The following CPED1 variants were observed in gnomAD, a reference collection of about 807,000 sequenced individuals.
CPED1 encodes the protein cadherin-like and PC-esterase domain-containing protein 1.
In CPED1, 114 loss-of-function variants were observed where a neutral mutation model predicts 128.2. The ratio of observed to expected loss-of-function variants is 0.89; its 90% CI spans 0.76 to 1.04. The LOEUF is 1.04. CPED1 is among the 50% of genes least tolerant of loss of function. The probability of loss-of-function intolerance (pLI) is 0.00; values close to 1 mark genes in which losing one functional copy is unlikely to be tolerated. For missense variants in CPED1, 1,211 were observed against 1,207.1 expected (o/e 1.00, Z -0.05); for synonymous variants, 462 against 426.7 (o/e 1.08, Z -1.02).
chr7:121,253,434 C>CA (rs1165439225), intron 18 of CPED1, among the ~76,000 whole-genome samples: 5 of 151,676 alleles, frequency 3.3e-5, no homozygotes, highest in Admixed American at 3.3e-4. Context: ...GCATGGTGTG[C>CA]ACATGTACCC....
At chr7:121,275,161 A>G (rs1347735620) in intron 22 of CPED1, among the ~76,000 whole-genome samples, 1 of 152,132 alleles carries the variant, frequency 6.6e-6, no homozygotes, top group Non-Finnish European at 1.5e-5. Context: ...TTAGAATTCT[A>G]TCATAGACAT....
chr7:121,016,340 T>C (rs1792300407), intron 3 of CPED1, among the ~76,000 whole-genome samples: 1 of 152,152 alleles, frequency 6.6e-6, no homozygotes, highest in South Asian at 2.1e-4. Flanking sequence ...GAGAGAATAA[T>C]AAAAGACAAG....
intron 16 of CPED1, among the ~76,000 whole-genome samples, chr7:121,201,444 GAGAA>G (rs1797394467): frequency 8.5e-6 from 1 of 118,276 alleles, no homozygotes; most frequent in Non-Finnish European, 1.8e-5. Flanking sequence ...AAGAAAGAAA[GAGAA>G]AGAGAGAAAG....
Position 121,034,732 on chromosome 7 carries a change from C to G in CPED1, c.434-12155C>G, listed in dbSNP as rs538346814. On this transcript the variant is annotated intron_variant, in intron 3 of 22. Coordinates refer to ENST00000310396, the MANE Select transcript of CPED1 (RefSeq NM_024913.5). ...GAACTTACTTGTATATACCAATCATCTAGGGAGCTTATTGGCAAATTCTGA... is the reference window on the plus strand; with the variant it reads ...GAACTTACTTGTATATACCAATCATGTAGGGAGCTTATTGGCAAATTCTGA... Among the ~76,000 whole-genome samples the G allele has an allele frequency of 8.4e-4, 128 of 152,180 alleles. 1 individual carries two copies. Among genetic ancestry groups the G allele is most frequent in the Non-Finnish European group, 1.6e-3 (112 of 67,976 alleles).
At chr7:121,136,820 T>C (rs961572604) in intron 14 of CPED1, among the ~76,000 whole-genome samples, 2 of 152,038 alleles carry the variant, frequency 1.3e-5, no homozygotes, top group African/African-American at 4.8e-5. Flanking sequence ...GGGGGATCAC[T>C]TGAGTCCAGG....
chr7:121,060,575 T>C (rs1793634154), intron 4 of CPED1, among the ~76,000 whole-genome samples: 1 of 152,218 alleles, frequency 6.6e-6, no homozygotes, highest in South Asian at 2.1e-4. Context: ...TGGAGGGGCC[T>C]TGGAGAACCT....
chr7:120,996,593 T>C (rs1442359735), intron 2 of CPED1, among the ~76,000 whole-genome samples: 1 of 152,164 alleles, frequency 6.6e-6, no homozygotes, highest in African/African-American at 2.4e-5. Flanking sequence ...TAACTTCTAA[T>C]TTCTCTCTGG....
chr7:121,134,275 G>T (rs1795738768), intron 13 of CPED1, among the ~76,000 whole-genome samples: 1 of 152,028 alleles, frequency 6.6e-6, no homozygotes, highest in Non-Finnish European at 1.5e-5. Context: ...CCTGTTGTTT[G>T]TTATTTGTGA....
At chr7:121,034,696 A>T (rs1309349472) in intron 3 of CPED1, among the ~76,000 whole-genome samples, 1 of 152,200 alleles carries the variant, frequency 6.6e-6, no homozygotes, top group African/African-American at 2.4e-5. Flanking sequence ...AATTGGGCAG[A>T]GGTGTTTCTC....
At chr7:121,044,430 A>T (rs1190589515) in intron 3 of CPED1, among the ~76,000 whole-genome samples, 1 of 152,128 alleles carries the variant, frequency 6.6e-6, no homozygotes, top group Non-Finnish European at 1.5e-5. Context: ...TTGAAATTTC[A>T]GTTACACTTT....
In CPED1 at chr7:121,206,741, C is replaced by T. The variant is rs145609223; in HGVS notation, c.2056-29973C>T. Among the ~76,000 whole-genome samples, 192 of 151,596 alleles carry T rather than the reference C, an allele frequency of 1.3e-3. 2 individuals carry two copies. The highest frequency in any genetic ancestry group is 4.3e-3 in the African/African-American group (177 of 41,358). The stretch of plus-strand genomic sequence containing the variant: ...CTAATTTGTTTTTAATGTTTTTTAA[C>T]GGCTGAAAAAATATTGAGAATCCCT... On this transcript the variant is annotated intron_variant, in intron 16 of 22. Coordinates refer to ENST00000310396, the MANE Select transcript of CPED1 (RefSeq NM_024913.5).
chr7:121,266,583 A>G (rs1562856573), intron 19 of CPED1, 124 bp from the exon 20 acceptor site: 2 of 1,155,686 alleles, frequency 1.7e-6, no homozygotes, highest in Non-Finnish European at 2.6e-6. Context: ...GCAGAAAACA[A>G]GTTGGAAAGT....
intron 3 of CPED1, among the ~76,000 whole-genome samples, chr7:121,034,716 T>C (rs1792841016): frequency 6.6e-6 from 1 of 152,138 alleles, no homozygotes; most frequent in Non-Finnish European, 1.5e-5. Context: ...CGAACTTACT[T>C]GTATATACCA....
intron 12 of CPED1, among the ~76,000 whole-genome samples, chr7:121,132,972 C>A (rs1012176136): frequency 6.6e-6 from 1 of 152,038 alleles, no homozygotes; most frequent in African/African-American, 2.4e-5. Flanking sequence ...CTGAATATGT[C>A]ATATTCATCT....
intron 3 of CPED1, among the ~76,000 whole-genome samples, chr7:121,017,645 G>T (rs980532475): frequency 6.6e-6 from 1 of 152,046 alleles, no homozygotes; most frequent in South Asian, 2.1e-4. Flanking sequence ...ACTTTCTATG[G>T]GCACAACATG....
chr7:121,234,007 C>T (rs77604313), intron 16 of CPED1, among the ~76,000 whole-genome samples: 2,609 of 152,160 alleles, frequency 0.017, 79 homozygotes, highest in African/African-American at 0.059. Context: ...GAAAAAGTGG[C>T]ATCAGGAAAG....
chr7:121,101,529 T>C (rs1383360324), intron 7 of CPED1, among the ~76,000 whole-genome samples: 4 of 152,200 alleles, frequency 2.6e-5, no homozygotes, highest in African/African-American at 9.6e-5. Context: ...GCATTTCTGT[T>C]TTCTGAGACA....
At chr7:121,183,677 G>T (rs1312072333) in intron 16 of CPED1, among the ~76,000 whole-genome samples, 4 of 152,128 alleles carry the variant, frequency 2.6e-5, no homozygotes, top group Admixed American at 2.0e-4. Flanking sequence ...ATGAATAGAA[G>T]AACATAATGA....
chr7:121,167,132 A>T (rs191513594), intron 16 of CPED1, among the ~76,000 whole-genome samples: 48 of 152,356 alleles, frequency 3.2e-4, no homozygotes, highest in Non-Finnish European at 6.0e-4. Context: ...TGACCCTCTA[A>T]GTCTGTCTAG....
Sources: gnomAD v4.1 joint callset for allele counts (sites outside exome capture counted in the v4.1 genomes callset) on GRCh38, gnomAD v4.1.1 for gene constraint, MANE v1.5 for transcripts, NCBI Gene and HGNC (gene_info 2026-07-23, HGNC 2026-07-21) for gene names.